Variants in GALNT1 observed in about 807,000 individuals in gnomAD.
GALNT1 encodes polypeptide N-acetylgalactosaminyltransferase 1.
A neutral mutation model predicts 65.7 loss-of-function variants in GALNT1; 17 were observed. The observed-to-expected ratio is 0.26, with a 90% CI of 0.18 to 0.39. The LOEUF (loss-of-function observed/expected upper bound fraction) is 0.39, where lower values mean the gene tolerates loss of function less well. Among genes scored for constraint, GALNT1 ranks in the 10% least tolerant of loss-of-function variants. GALNT1 has a pLI of 1.00. For synonymous variants in GALNT1, 210 were observed against 219.7 expected (o/e 0.96, Z 0.39); for missense variants, 460 against 672.8 (o/e 0.68, Z 3.50).
chr18:35,581,477 C>T (rs1164875562), upstream of GALNT1, among the ~76,000 whole-genome samples: 1 of 145,748 alleles, frequency 6.9e-6, no homozygotes, highest in Non-Finnish European at 1.5e-5. Context: ...CCGCACGGGC[C>T]GCCGCCGCCG....
intron 1 of GALNT1, among the ~76,000 whole-genome samples, chr18:35,622,313 A>G (rs975528481): frequency 1.3e-5 from 2 of 152,008 alleles, no homozygotes; most frequent in African/African-American, 4.8e-5. Context: ...GTGCAGTGGC[A>G]TAGTCACAGC....
At position 35,680,006 on chromosome 18, in the gene GALNT1, G is replaced by A. The variant is rs570547266; in HGVS notation, c.481+2249G>A. Among the ~76,000 whole-genome samples, 442 of 152,078 alleles carry A rather than the reference G, an allele frequency of 2.9e-3. 5 individuals are homozygous for A. Among genetic ancestry groups the A allele is most frequent in the Middle Eastern group, 3.4e-3 (1 of 294 alleles). ...TGCCTCCAGAGTGAGCTTTTTTAAA[G>A]CATGCAAATTTGATCATTTCGCTTC... On this transcript the variant is annotated intron_variant, in intron 4 of 11. Coordinates refer to ENST00000269195, the MANE Select transcript of GALNT1 (RefSeq NM_020474.4).
intron 2 of GALNT1, among the ~76,000 whole-genome samples, chr18:35,663,000 GA>G (rs2047498596): frequency 1.3e-5 from 2 of 152,158 alleles, no homozygotes; most frequent in South Asian, 4.1e-4. Context: ...AGAGACATAA[GA>G]ACCCTGAATG....
intron 1 of GALNT1, among the ~76,000 whole-genome samples, chr18:35,625,684 A>G (rs1191862182): frequency 6.6e-6 from 1 of 152,162 alleles, no homozygotes; most frequent in East Asian, 1.9e-4. Context: ...TGACCAGAAA[A>G]TAACATGAGC....
At chr18:35,682,929 A>AAT (rs1491161943) in intron 4 of GALNT1, among the ~76,000 whole-genome samples, 1 of 146,994 alleles carries the variant, frequency 6.8e-6, no homozygotes, top group African/African-American at 2.5e-5. Context: ...AAAAAAAAAA[A>AAT]GTATAGTCAA....
At chr18:35,705,730 G>C (rs1264026388) in intron 11 of GALNT1, among the ~76,000 whole-genome samples, 3 of 152,216 alleles carry the variant, frequency 2.0e-5, no homozygotes, top group Admixed American at 6.5e-5. Context: ...AGTATTTTTA[G>C]AAACCTATTT....
At chr18:35,667,317 T>C (rs1389069188) in intron 3 of GALNT1, among the ~76,000 whole-genome samples, 2 of 152,206 alleles carry the variant, frequency 1.3e-5, no homozygotes. Context: ...GGTGCAGCCC[T>C]ATGTCGACAC....
intron 4 of GALNT1, among the ~76,000 whole-genome samples, chr18:35,680,306 G>C (rs758181141): frequency 6.6e-6 from 1 of 152,162 alleles, no homozygotes; most frequent in East Asian, 1.9e-4. Context: ...CAGATGTGAT[G>C]TATTTAGAGA....
At chr18:35,609,527 T>C (rs906561552) in intron 1 of GALNT1, among the ~76,000 whole-genome samples, 32 of 152,194 alleles carry the variant, frequency 2.1e-4, no homozygotes, top group African/African-American at 7.2e-4. Flanking sequence ...AATGTAGGAA[T>C]TGAAAGCACT....
intron 4 of GALNT1, among the ~76,000 whole-genome samples, chr18:35,680,773 C>A (rs1002183444): frequency 1.3e-5 from 2 of 151,964 alleles, no homozygotes; most frequent in Non-Finnish European, 2.9e-5. Context: ...GTATCCAAAC[C>A]CTGTATAAAT....
intron 1 of GALNT1, among the ~76,000 whole-genome samples, chr18:35,625,803 T>C (rs2046909735): frequency 6.6e-6 from 1 of 152,184 alleles, no homozygotes; most frequent in Admixed American, 6.5e-5. Flanking sequence ...GAAAGATGCA[T>C]ATTTTGCTGA....
chr18:35,623,751 G>A (rs909917953), intron 1 of GALNT1, among the ~76,000 whole-genome samples: 2 of 152,006 alleles, frequency 1.3e-5, no homozygotes, highest in Non-Finnish European at 2.9e-5. Context: ...ACATGATTCT[G>A]TGTGGTTCTT....
chr18:35,703,077 C>A, intron 10 of GALNT1, 82 bp downstream of exon 10: 1 of 730,964 alleles, frequency 1.4e-6, no homozygotes, highest in South Asian at 2.6e-5. Flanking sequence ...TGACATCATT[C>A]AGGAAATATT....
chr18:35,674,021 C>T (rs2047670996), intron 3 of GALNT1, among the ~76,000 whole-genome samples: 2 of 152,132 alleles, frequency 1.3e-5, no homozygotes, highest in Admixed American at 6.5e-5. Context: ...ATACTGTAGG[C>T]AATTGTAGTA....
At chr18:35,602,809 C>A (rs1218288793) in intron 1 of GALNT1, among the ~76,000 whole-genome samples, 5 of 152,112 alleles carry the variant, frequency 3.3e-5, no homozygotes. Flanking sequence ...ATTTTGAATT[C>A]TTGATCTGAG....
Position 35,603,655 on chromosome 18 carries a change from C to G in GALNT1, c.-104+21793C>G, listed in dbSNP as rs545129164. Among the ~76,000 whole-genome samples the G allele has an allele frequency of 8.5e-5, 13 of 152,260 alleles. No homozygotes were observed. The East Asian group carries it at 2.5e-3, about 29-fold the overall frequency. ...TAGATTAGGAAACCCTGGCTGTCCTCGTAGTGGCATGTGATTATCTCCCAA... is the reference window on the plus strand; with the variant it reads ...TAGATTAGGAAACCCTGGCTGTCCTGGTAGTGGCATGTGATTATCTCCCAA... On this transcript the variant is annotated intron_variant, in intron 1 of 11. Coordinates refer to ENST00000269195, the MANE Select transcript of GALNT1 (RefSeq NM_020474.4).
intron 9 of GALNT1, among the ~76,000 whole-genome samples, chr18:35,694,994 T>C (rs1598809398): frequency 6.6e-6 from 1 of 152,134 alleles, no homozygotes; most frequent in East Asian, 1.9e-4. Flanking sequence ...GAAAGTAGAA[T>C]GGTGGTTACC....
At chr18:35,659,176 G>A (rs867924012) in intron 2 of GALNT1, among the ~76,000 whole-genome samples, 2 of 152,176 alleles carry the variant, frequency 1.3e-5, no homozygotes, top group East Asian at 1.9e-4. Flanking sequence ...CTCTGATTTC[G>A]GTGAAATTTA....
chr18:35,596,281 A>C (rs2046504098), intron 1 of GALNT1: 1 of 152,230 alleles, frequency 6.6e-6, no homozygotes, highest in African/African-American at 2.4e-5. Context: ...AAGTCAAAAT[A>C]GACGGGGTTC....
Sources: gnomAD v4.1 joint callset for allele counts (sites outside exome capture counted in the v4.1 genomes callset) on GRCh38, gnomAD v4.1.1 for gene constraint, MANE v1.5 for transcripts, NCBI Gene and HGNC (gene_info 2026-07-23, HGNC 2026-07-21) for gene names.